Variants in MATN2 observed in about 807,000 individuals in gnomAD.
The protein encoded by MATN2 is matrilin 2, also known as matrilin-2.
Under a neutral mutation model 103.2 loss-of-function variants are expected in MATN2, and 69 were observed. The observed-to-expected ratio is 0.67, with a 90% CI of 0.55 to 0.82. The LOEUF is 0.82. Among genes scored for constraint, MATN2 ranks in the 40% least tolerant of loss-of-function variants. MATN2 has a pLI of 0.00. For synonymous variants in MATN2, 429 were observed against 450.2 expected (o/e 0.95, Z 0.60); for missense variants, 1,023 against 1,211.5 (o/e 0.84, Z 2.31).
At chr8:97,948,585 C>T (rs2512028) in intron 4 of MATN2, among the ~76,000 whole-genome samples, 73,578 of 151,970 alleles carry the variant, frequency 0.48, 18,273 homozygotes, top group East Asian at 0.66. Context: ...GGAAGGCAAT[C>T]CAATGAGGAA....
intron 14 of MATN2, among the ~76,000 whole-genome samples, chr8:98,028,547 G>A (rs945096405): frequency 1.3e-5 from 2 of 152,118 alleles, no homozygotes; most frequent in Non-Finnish European, 2.9e-5. Flanking sequence ...ATTCCTTGAG[G>A]GAGATAAGAA....
chr8:98,021,297 G>T lies in MATN2; in HGVS notation c.1912G>T (p.Val638Phe), dbSNP rs772846446. The change falls in exon 13 of 19, where the codon GTT becomes TTT. Residue 638 changes from valine to phenylalanine, a missense_variant. By Grantham distance (50) the Val-to-Phe change is conservative (BLOSUM62 -1). Transcript: ENST00000254898. Reference protein sequence around the residue: ...SYICKCSEGFVLAEDGRRCKK... With the variant: ...SYICKCSEGFFLAEDGRRCKK... ...CATCTGCAAATGCTCAGAGGGATTTGTTCTAGCTGAGGACGGAAGACGGTG... is the reference window on the plus strand; with the variant it reads ...CATCTGCAAATGCTCAGAGGGATTTTTTCTAGCTGAGGACGGAAGACGGTG... 6.2e-7 allele frequency: 1 copy of T among 1,613,616 alleles called. No individual in the cohort carries two copies. Among genetic ancestry groups the T allele is most frequent in the South Asian group, 1.1e-5 (1 of 91,080 alleles).
rs182976817 is a variant in MATN2, at chr8:97,874,468, C to T, written c.-27+5181C>T. ...TCGCCCGGGCTATCATGCAGTGGTG[C>T]GATCACGGCTCACTGAAACCTCAGT... On this transcript the variant is annotated intron_variant, in intron 1 of 18. Coordinates refer to ENST00000254898, the MANE Select transcript of MATN2 (RefSeq NM_002380.5). 1.7e-4 allele frequency among the ~76,000 whole-genome samples: 25 copies of T among 150,132 alleles called. No individual in the cohort carries two copies. The South Asian group carries it at 2.7e-3, about 16-fold the overall frequency.
rs192713404 is a variant in MATN2, at chr8:97,889,824, C to T, written c.142+1582C>T. Among the ~76,000 whole-genome samples, 532 of 152,118 alleles carry T rather than the reference C, an allele frequency of 3.5e-3. 3 individuals carry two copies. The highest frequency in any genetic ancestry group is 0.012 in the African/African-American group (493 of 41,500). On this transcript the variant is annotated intron_variant, in intron 2 of 18. Coordinates refer to ENST00000254898, the MANE Select transcript of MATN2 (RefSeq NM_002380.5). Reference sequence around the variant, plus strand: ...GCTGGTCTCAGGAAAAGCCACCACACACTTGCCTGGAAAAGCACACTGCTT... The same window carrying T: ...GCTGGTCTCAGGAAAAGCCACCACATACTTGCCTGGAAAAGCACACTGCTT...
At chr8:97,897,746 C>T (rs1028704353) in intron 2 of MATN2, among the ~76,000 whole-genome samples, 1 of 152,196 alleles carries the variant, frequency 6.6e-6, no homozygotes, top group African/African-American at 2.4e-5. Context: ...GCCCTCAGCA[C>T]AGACCTGCTG....
chr8:97,977,054 G>A (rs778255364), intron 5 of MATN2, among the ~76,000 whole-genome samples: 14 of 151,756 alleles, frequency 9.2e-5, no homozygotes, highest in Non-Finnish European at 2.1e-4. Context: ...TGGCCCACAT[G>A]GTGAAACCCC....
At chr8:97,945,407 A>T (rs11784504) in intron 4 of MATN2, among the ~76,000 whole-genome samples, 470 of 152,154 alleles carry the variant, frequency 3.1e-3, no homozygotes, top group Middle Eastern at 6.8e-3. Context: ...CAGAATCCAA[A>T]TCCTGTTATG....
At chr8:97,922,962 G>A (rs111574038) in intron 2 of MATN2, among the ~76,000 whole-genome samples, 1 of 152,162 alleles carries the variant, frequency 6.6e-6, no homozygotes, top group African/African-American at 2.4e-5. Flanking sequence ...CAATAGGTAT[G>A]TTGAATGACT....
intron 2 of MATN2, among the ~76,000 whole-genome samples, chr8:97,899,949 T>TA (rs1449084550): frequency 6.6e-6 from 1 of 152,204 alleles, no homozygotes; most frequent in Non-Finnish European, 1.5e-5. Flanking sequence ...GTGGGTCACT[T>TA]ATTACTTTAC....
At chr8:97,900,852 G>A (rs779339128) in intron 2 of MATN2, among the ~76,000 whole-genome samples, 2 of 152,052 alleles carry the variant, frequency 1.3e-5, no homozygotes, top group South Asian at 2.1e-4. Context: ...GGAGAATGGC[G>A]TGAACCCAGA....
intron 2 of MATN2, among the ~76,000 whole-genome samples, chr8:97,928,498 T>C (rs953612340): frequency 6.6e-6 from 1 of 152,194 alleles, no homozygotes; most frequent in African/African-American, 2.4e-5. Flanking sequence ...AGTGCTGGGA[T>C]TACAGGCGTG....
At chr8:97,986,204 T>A (rs1361180307) in intron 6 of MATN2, among the ~76,000 whole-genome samples, 1 of 152,226 alleles carries the variant, frequency 6.6e-6, no homozygotes, top group Non-Finnish European at 1.5e-5. Flanking sequence ...AGTCTTTTGA[T>A]ACATATTCAA....
chr8:97,905,432 T>C (rs955900931), intron 2 of MATN2, among the ~76,000 whole-genome samples: 1 of 152,170 alleles, frequency 6.6e-6, no homozygotes, highest in South Asian at 2.1e-4. Flanking sequence ...TACTTTTTTC[T>C]CTATGAATTT....
At chr8:97,890,957 T>C (rs948123601) in intron 2 of MATN2, among the ~76,000 whole-genome samples, 2 of 152,228 alleles carry the variant, frequency 1.3e-5, no homozygotes, top group African/African-American at 4.8e-5. Flanking sequence ...TTGAGTCAGT[T>C]TGAAAAAATA....
In MATN2 at chr8:98,018,031, A is replaced by G. The variant is rs756860740; in HGVS notation, c.1734A>G (p.Glu578=). The stretch of plus-strand genomic sequence containing the variant: ...GCCAAGCTATAGACCATGGCTGTGA[A>G]CACATTTGTGTGAACAGTGATGACT... ...DVCQAIDHGC[E]HICVNSDDSY... The change falls in exon 12 of 19, where the codon GAA becomes GAG. Residue 578 remains glutamate (E), a synonymous_variant. Coordinates refer to ENST00000254898, the MANE Select transcript of MATN2 (RefSeq NM_002380.5). The G allele has an allele frequency of 5.0e-6, 8 of 1,613,892 alleles. No homozygotes were observed. Among genetic ancestry groups the G allele is most frequent in the Non-Finnish European group, 6.8e-6 (8 of 1,179,784 alleles).
At chr8:97,967,838 C>A (rs1043984141) in intron 5 of MATN2, among the ~76,000 whole-genome samples, 4 of 152,242 alleles carry the variant, frequency 2.6e-5, no homozygotes, top group Admixed American at 6.5e-5. Flanking sequence ...CTAGGCAGTG[C>A]CCCAGTAGGG....
At chr8:97,891,335 A>ATTATT (rs1036769037) in intron 2 of MATN2, among the ~76,000 whole-genome samples, 161 of 152,056 alleles carry the variant, frequency 1.1e-3, no homozygotes, top group African/African-American at 3.4e-3. Flanking sequence ...TTTTTATTTT[A>ATTATT]TTATTTTATT....
chr8:97,933,906 T>C (rs1430691749), intron 3 of MATN2, among the ~76,000 whole-genome samples: 11 of 152,178 alleles, frequency 7.2e-5, no homozygotes, highest in African/African-American at 2.7e-4. Context: ...TATAAAGCAC[T>C]TTCCCTTATG....
chr8:98,035,610 G>A (rs1255111323), intron 18 of MATN2, 47 bp from the exon 19 acceptor site: 3 of 1,155,266 alleles, frequency 2.6e-6, no homozygotes, highest in East Asian at 5.1e-5. Flanking sequence ...ATATTTAAAT[G>A]TAAATAAAAA....
Sources: allele counts gnomAD v4.1 joint callset (sites outside exome capture counted in the v4.1 genomes callset), GRCh38; gene constraint gnomAD v4.1.1; transcripts MANE v1.5; gene names NCBI Gene and HGNC (gene_info 2026-07-23, HGNC 2026-07-21).